The following CAPZB variants were observed in gnomAD, a reference collection of about 807,000 sequenced individuals.
CAPZB encodes the protein capping actin protein of muscle Z-line subunit beta.
A neutral mutation model predicts 38.1 loss-of-function variants in CAPZB; 2 were observed. The observed-to-expected ratio is 0.05, with a 90% CI of 0.02 to 0.17. CAPZB has a LOEUF of 0.17. Among genes scored for constraint, CAPZB ranks in the 10% least tolerant of loss-of-function variants. The pLI is 1.00. For synonymous variants in CAPZB, 107 were observed against 127.4 expected, an observed-to-expected ratio of 0.84 and a Z score of 1.08; for missense variants, 161 against 334.2, an observed-to-expected ratio of 0.48 and a Z score of 4.04.
At chr1:19,448,994 G>T in intron 1 of CAPZB, 1 of 1,584,750 alleles carries the variant, frequency 6.3e-7, no homozygotes, top group Non-Finnish European at 8.6e-7. Context: ...AACATGACGT[G>T]ACTAGGGACG....
intron 3 of CAPZB, among the ~76,000 whole-genome samples, chr1:19,382,199 T>C (rs1467528230): frequency 1.3e-5 from 2 of 152,234 alleles, no homozygotes; most frequent in Non-Finnish European, 2.9e-5. Flanking sequence ...CTCACATTTC[T>C]ACTGGCTCAC....
intron 4 of CAPZB, among the ~76,000 whole-genome samples, chr1:19,359,996 T>C (rs943164389): frequency 3.3e-5 from 5 of 152,198 alleles, no homozygotes; most frequent in African/African-American, 4.8e-5. Flanking sequence ...AGAGCCCTCC[T>C]GGTCTGGACC....
At chr1:19,399,224 T>C (rs2094289993) in intron 2 of CAPZB, among the ~76,000 whole-genome samples, 1 of 152,134 alleles carries the variant, frequency 6.6e-6, no homozygotes, top group South Asian at 2.1e-4. Context: ...AAATGTTATG[T>C]TATGTGAATT....
At chr1:19,388,565 C>A (rs529781233) in intron 2 of CAPZB, among the ~76,000 whole-genome samples, 5 of 152,336 alleles carry the variant, frequency 3.3e-5, no homozygotes, top group African/African-American at 9.6e-5. Context: ...GTGGTTCCAA[C>A]CCAGCACTCT....
intron 2 of CAPZB, among the ~76,000 whole-genome samples, chr1:19,419,380 A>C (rs1416370804): frequency 6.6e-6 from 1 of 152,192 alleles, no homozygotes; most frequent in African/African-American, 2.4e-5. Context: ...TCTAAATGCA[A>C]GCTTCTAGAA....
rs896860531 is a variant in CAPZB at position 19,484,751 on chromosome 1, C to T, written c.3+685G>A. The T allele has an allele frequency of 4.2e-5, 43 of 1,029,652 alleles. No individual in the cohort carries two copies. In the Admixed American group the frequency reaches 5.6e-4, roughly 14 times the overall value. The allele number at this position is 1,029,652 out of a possible 1,614,324, so 63.8% of individuals were successfully genotyped here. A position where few individuals can be genotyped will look rare whatever the true frequency, so the allele number is the denominator to read the frequency against. On this transcript the variant is annotated intron_variant, in intron 1 of 8. Transcript: ENST00000264202. ...GACCGAGCGGGGCTGACGCAGGTTA[C>T]GCTAGGAGTGGCGAAAAGTCCAGGG...
chr1:19,431,577 T>C (rs1441370852), intron 1 of CAPZB, among the ~76,000 whole-genome samples: 3 of 140,176 alleles, frequency 2.1e-5, no homozygotes, highest in African/African-American at 5.0e-5. Flanking sequence ...AAAAATCAGC[T>C]GGGCGTGGTG....
At chr1:19,470,211 G>A (rs997288047) in intron 1 of CAPZB, among the ~76,000 whole-genome samples, 5 of 151,638 alleles carry the variant, frequency 3.3e-5, no homozygotes, top group East Asian at 1.9e-4. Context: ...AGCATGAGAC[G>A]CTGTCGCCAA....
intron 1 of CAPZB, among the ~76,000 whole-genome samples, chr1:19,480,987 C>T (rs11801172): frequency 0.024 from 3,582 of 152,294 alleles, 136 homozygotes; most frequent in African/African-American, 0.08. Flanking sequence ...TTAATGTTTA[C>T]ATCACTATGT....
At chr1:19,474,286 C>T (rs1485157106) in intron 1 of CAPZB, among the ~76,000 whole-genome samples, 2 of 152,166 alleles carry the variant, frequency 1.3e-5, no homozygotes, top group Non-Finnish European at 2.9e-5. Context: ...TGAACTACCT[C>T]ACCGGGCCCT....
chr1:19,371,243 A>G (rs1391836300), intron 4 of CAPZB, among the ~76,000 whole-genome samples: 1 of 152,126 alleles, frequency 6.6e-6, no homozygotes, highest in Non-Finnish European at 1.5e-5. Context: ...TTCTCGCATG[A>G]TCACGAAGCC....
intron 1 of CAPZB, among the ~76,000 whole-genome samples, chr1:19,480,241 T>G (rs2094622833): frequency 6.6e-6 from 1 of 152,202 alleles, no homozygotes. Context: ...TTCTGTGGTA[T>G]GCAGAATAAG....
At chr1:19,437,119 T>C (rs1186561295) in intron 1 of CAPZB, among the ~76,000 whole-genome samples, 1 of 152,248 alleles carries the variant, frequency 6.6e-6, no homozygotes, top group Non-Finnish European at 1.5e-5. Flanking sequence ...CTCAGAAAGG[T>C]GTTTTCCTGT....
At chr1:19,367,709 G>C (rs2094097298) in intron 4 of CAPZB, among the ~76,000 whole-genome samples, 1 of 152,178 alleles carries the variant, frequency 6.6e-6, no homozygotes, top group African/African-American at 2.4e-5. Flanking sequence ...ATACCAATCA[G>C]CTTAGGCATG....
At chr1:19,359,984 A>AT (rs1356654817) in intron 4 of CAPZB, among the ~76,000 whole-genome samples, 1 of 152,216 alleles carries the variant, frequency 6.6e-6, no homozygotes, top group Non-Finnish European at 1.5e-5. Flanking sequence ...ATCTGCCTCC[A>AT]TAGAGCCCTC....
chr1:19,393,923 G>A (rs531785918), intron 2 of CAPZB, among the ~76,000 whole-genome samples: 1 of 152,372 alleles, frequency 6.6e-6, no homozygotes, highest in East Asian at 1.9e-4. Context: ...GCCTGCCAGG[G>A]CCACACACAA....
intron 2 of CAPZB, among the ~76,000 whole-genome samples, chr1:19,418,196 A>ACATAAAACCCCAAATATATGGCTTCT (rs2094388283): frequency 6.6e-6 from 1 of 150,412 alleles, no homozygotes; most frequent in Admixed American, 6.6e-5. Context: ...AGGAAATTTT[A>ACATAAAACCCCAAATATATGGCTTCT]CATAAAACCC....
intron 1 of CAPZB, among the ~76,000 whole-genome samples, chr1:19,433,822 C>G (rs529838078): frequency 2.3e-4 from 35 of 152,292 alleles, no homozygotes; most frequent in African/African-American, 7.5e-4. Context: ...ATGGAAGACT[C>G]TATCAAATCT....
chr1:19,400,574 G>T (rs978345817), intron 2 of CAPZB, among the ~76,000 whole-genome samples: 2 of 152,156 alleles, frequency 1.3e-5, no homozygotes, highest in Non-Finnish European at 2.9e-5. Context: ...CTGGCACGTG[G>T]GGAAGTGGGA....
Sources: allele counts gnomAD v4.1 joint callset (sites outside exome capture counted in the v4.1 genomes callset), GRCh38; gene constraint gnomAD v4.1.1; transcripts MANE v1.5; gene names NCBI Gene and HGNC (gene_info 2026-07-23, HGNC 2026-07-21).